The following FAF1 variants were observed in gnomAD, a reference collection of about 807,000 sequenced individuals.
FAF1 encodes the protein FAS-associated factor 1.
FAF1 carries 25 observed loss-of-function variants against 92.5 expected under a neutral mutation model. The ratio of observed to expected loss-of-function variants is 0.27; its 90% CI spans 0.20 to 0.38. The LOEUF is 0.38. FAF1 is among the 10% of genes least tolerant of loss of function. FAF1 has a pLI of 1.00. For synonymous variants in FAF1, 234 were observed against 273.2 expected (o/e 0.86, Z 1.42); for missense variants, 636 against 793.3 (o/e 0.80, Z 2.38).
At chr1:50,829,097 A>G (rs1263759994) in intron 2 of FAF1, among the ~76,000 whole-genome samples, 2 of 152,014 alleles carry the variant, frequency 1.3e-5, no homozygotes, top group African/African-American at 4.8e-5. Flanking sequence ...AATGGATTAA[A>G]AGCTAAAAAG....
chr1:50,884,869 G>A (rs1476768081), intron 1 of FAF1, among the ~76,000 whole-genome samples: 1 of 152,082 alleles, frequency 6.6e-6, no homozygotes, highest in Admixed American at 6.5e-5. Context: ...TATGTATATA[G>A]TAGAATTTAG....
At chr1:50,571,082 G>C (rs1650416524) in intron 12 of FAF1, among the ~76,000 whole-genome samples, 1 of 152,192 alleles carries the variant, frequency 6.6e-6, no homozygotes, top group South Asian at 2.1e-4. Flanking sequence ...AGACTATAAA[G>C]ATGAATGAAA....
Position 50,438,574 on chromosome 1 carries a change from G to C in FAF1, c.*2866C>G, listed in dbSNP as rs1646145598. 6.6e-6 allele frequency: 1 copy of C among 152,216 alleles called. No homozygotes were observed. Among genetic ancestry groups the C allele is most frequent in the Non-Finnish European group, 1.5e-5 (1 of 68,058 alleles). The allele number at this position is 152,216 out of a possible 1,614,324, so 9.4% of individuals were successfully genotyped here. A position where few individuals can be genotyped will look rare whatever the true frequency, so the allele number is the denominator to read the frequency against. ...GACTGGATGGCTAAGGGACAGAAAA[G>C]GATGGGTAGAAATGTGTCAATCAGT... On this transcript the variant is annotated 3_prime_UTR_variant, in exon 19 of 19. Transcript: ENST00000396153.
chr1:50,649,337 G>A (rs2124274229), intron 8 of FAF1, among the ~76,000 whole-genome samples: 1 of 151,286 alleles, frequency 6.6e-6, no homozygotes, highest in East Asian at 2.0e-4. Flanking sequence ...TTTCAGTAGA[G>A]ATGGGGTTTC....
chr1:50,889,890 G>T (rs1411286455), intron 1 of FAF1, among the ~76,000 whole-genome samples: 2 of 152,198 alleles, frequency 1.3e-5, no homozygotes, highest in African/African-American at 4.8e-5. Context: ...TCCGCTTGAT[G>T]CAGAGCTGAG....
At chr1:50,538,680 C>T (rs1648612565) in intron 14 of FAF1, among the ~76,000 whole-genome samples, 1 of 152,092 alleles carries the variant, frequency 6.6e-6, no homozygotes, top group Non-Finnish European at 1.5e-5. Context: ...GCAACATTGC[C>T]TCTGACAGGG....
intron 4 of FAF1, among the ~76,000 whole-genome samples, chr1:50,775,025 G>A (rs941397195): frequency 6.6e-6 from 1 of 151,908 alleles, no homozygotes; most frequent in Non-Finnish European, 1.5e-5. Context: ...GCATCTTCCT[G>A]GTAATAACGT....
At chr1:50,939,422 T>C (rs1645112297) in intron 1 of FAF1, among the ~76,000 whole-genome samples, 1 of 152,250 alleles carries the variant, frequency 6.6e-6, no homozygotes. Context: ...TTTTATATCC[T>C]GAAACCTTGC....
chr1:50,955,293 T>C (rs1645256567), intron 1 of FAF1, among the ~76,000 whole-genome samples: 1 of 152,102 alleles, frequency 6.6e-6, no homozygotes, highest in South Asian at 2.1e-4. Flanking sequence ...TTAAAGGAGG[T>C]AGGGGGAACT....
At chr1:50,460,572 T>C (rs1399941248) in intron 18 of FAF1, among the ~76,000 whole-genome samples, 2 of 152,146 alleles carry the variant, frequency 1.3e-5, no homozygotes, top group South Asian at 2.1e-4. Context: ...TTTACATATA[T>C]GCATGTATGT....
At chr1:50,562,727 G>A (rs953027795) in intron 13 of FAF1, among the ~76,000 whole-genome samples, 2 of 152,130 alleles carry the variant, frequency 1.3e-5, no homozygotes, top group African/African-American at 4.8e-5. Context: ...TGTTTTGAGG[G>A]TTAGGATTGT....
At chr1:50,668,719 A>G (rs1655740979) in intron 7 of FAF1, among the ~76,000 whole-genome samples, 1 of 152,210 alleles carries the variant, frequency 6.6e-6, no homozygotes, top group African/African-American at 2.4e-5. Flanking sequence ...TAATTAAGAA[A>G]GTAAAACCCA....
At chr1:50,895,140 C>A (rs77191068) in intron 1 of FAF1, among the ~76,000 whole-genome samples, 1 of 151,646 alleles carries the variant, frequency 6.6e-6, no homozygotes, top group Non-Finnish European at 1.5e-5. Context: ...TTTAACCAGA[C>A]TAAATAAAAG....
At chr1:50,742,731 C>A (rs911623268) in intron 5 of FAF1, among the ~76,000 whole-genome samples, 2 of 152,168 alleles carry the variant, frequency 1.3e-5, no homozygotes, top group Admixed American at 6.5e-5. Flanking sequence ...GAATAAATAA[C>A]TACAAAAGCG....
chr1:50,547,414 G>A (rs1269458312), intron 13 of FAF1, among the ~76,000 whole-genome samples: 6 of 146,732 alleles, frequency 4.1e-5, no homozygotes, highest in South Asian at 2.1e-4. Context: ...AAAAAGCCAC[G>A]TAATTTTTTT....
intron 1 of FAF1, among the ~76,000 whole-genome samples, chr1:50,912,908 C>G (rs988220747): frequency 1.3e-5 from 2 of 152,150 alleles, no homozygotes; most frequent in African/African-American, 4.8e-5. Context: ...TTCTGATAAA[C>G]TATGTTTCAT....
At chr1:50,665,436 A>G (rs1655574595) in intron 7 of FAF1, among the ~76,000 whole-genome samples, 3 of 152,226 alleles carry the variant, frequency 2.0e-5, no homozygotes, top group African/African-American at 7.2e-5. Flanking sequence ...TCATATCAAA[A>G]CACAAAATTG....
At chr1:50,554,385 A>AGG (rs1649457375) in intron 13 of FAF1, among the ~76,000 whole-genome samples, 1 of 115,476 alleles carries the variant, frequency 8.7e-6, no homozygotes, top group Non-Finnish European at 1.8e-5. Flanking sequence ...ATATATATAT[A>AGG]TATATAGAGA....
chr1:50,710,333 T>C (rs947906891), intron 6 of FAF1, among the ~76,000 whole-genome samples: 1 of 152,196 alleles, frequency 6.6e-6, no homozygotes, highest in African/African-American at 2.4e-5. Flanking sequence ...AATTCCTGGA[T>C]AGCTGTGGAA....
Sources: gnomAD v4.1 joint callset for allele counts (sites outside exome capture counted in the v4.1 genomes callset) on GRCh38, gnomAD v4.1.1 for gene constraint, MANE v1.5 for transcripts, NCBI Gene and HGNC (gene_info 2026-07-23, HGNC 2026-07-21) for gene names.